SERINC5: variants seen among roughly 807,000 people sequenced by gnomAD.
The protein encoded by SERINC5 is serine incorporator 5, also known as chromosome 5 open reading frame 12.
In SERINC5, 41 loss-of-function variants were observed where a neutral mutation model predicts 63.1. The observed-to-expected ratio is 0.65, with a 90% CI of 0.51 to 0.84. The LOEUF is 0.84. Ranked by LOEUF, SERINC5 falls within the 40% of genes least tolerant of loss-of-function variation. The probability of loss-of-function intolerance (pLI) is 0.00; values close to 1 mark genes in which losing one functional copy is unlikely to be tolerated. For missense variants in SERINC5, 523 were observed against 573.0 expected, an observed-to-expected ratio of 0.91 and a Z score of 0.89; for synonymous variants, 222 against 215.2, an observed-to-expected ratio of 1.03 and a Z score of -0.28.
chr5:80,232,136 G>A (rs1283676355), intron 1 of SERINC5, among the ~76,000 whole-genome samples: 17 of 151,098 alleles, frequency 1.1e-4, no homozygotes, highest in Non-Finnish European at 1.8e-4. Flanking sequence ...CGGGCAAGGT[G>A]GCTCACGCCT....
rs147072800 is a variant in SERINC5 at position 80,180,750 on chromosome 5, G to T, written c.196-2686C>A. ...GAGATATGATAAACATTCAAAAAGG[G>T]AGTAAAGGAAGAGTTAATTATGTAG... On this transcript the variant is annotated intron_variant, in intron 2 of 11. Coordinates refer to ENST00000507668, the MANE Select transcript of SERINC5 (RefSeq NM_001174072.3). 6.5e-3 allele frequency among the ~76,000 whole-genome samples: 985 copies of T among 152,300 alleles called. 7 individuals are homozygous for T. Among genetic ancestry groups the T allele is most frequent in the African/African-American group, 0.023 (938 of 41,564 alleles).
At chr5:80,195,643 T>G (rs73128081) in intron 2 of SERINC5, among the ~76,000 whole-genome samples, 6,494 of 152,186 alleles carry the variant, frequency 0.043, 472 homozygotes, top group African/African-American at 0.15. Flanking sequence ...AATTCTTCAG[T>G]TTAAAAATAG....
rs1172496989 is a variant in SERINC5 at position 80,141,228 on chromosome 5, TC to T, written c.*2434del. 4 of 985,328 alleles carry T rather than the reference TC, an allele frequency of 4.1e-6. No individual in the cohort carries two copies. Among genetic ancestry groups the T allele is most frequent in the Non-Finnish European group, 4.8e-6 (4 of 829,960 alleles). The allele number at this position is 985,328 out of a possible 1,614,324, so 61.0% of individuals were successfully genotyped here. ...TAAAATTCAGAGCAACTGTAACTCTTCCTCTTGCATCAGACCAACCGGCAGA... is the reference window on the plus strand; with the variant it reads ...TAAAATTCAGAGCAACTGTAACTCTTCTCTTGCATCAGACCAACCGGCAGA... On this transcript the variant is annotated 3_prime_UTR_variant, in exon 12 of 12. Coordinates refer to ENST00000507668, the MANE Select transcript of SERINC5 (RefSeq NM_001174072.3).
intron 9 of SERINC5, among the ~76,000 whole-genome samples, chr5:80,148,550 C>T (rs114541723): frequency 0.021 from 3,180 of 151,950 alleles, 115 homozygotes; most frequent in African/African-American, 0.071. Flanking sequence ...TATGTATAGT[C>T]CCAGCTATTT....
chr5:80,170,952 G>A (rs1747614231), intron 5 of SERINC5, among the ~76,000 whole-genome samples: 1 of 152,154 alleles, frequency 6.6e-6, no homozygotes, highest in Admixed American at 6.5e-5. Context: ...AGGCTGCTAT[G>A]AGCCATGACT....
intron 2 of SERINC5, among the ~76,000 whole-genome samples, chr5:80,201,009 G>C (rs1171833239): frequency 6.6e-6 from 1 of 152,150 alleles, no homozygotes; most frequent in Non-Finnish European, 1.5e-5. Flanking sequence ...TGAGGTGGGA[G>C]AATTGCTTGA....
At chr5:80,123,471 G>C (rs925525149) in intron 11 of SERINC5, among the ~76,000 whole-genome samples, 2 of 152,164 alleles carry the variant, frequency 1.3e-5, no homozygotes, top group Non-Finnish European at 2.9e-5. Flanking sequence ...GATGGTGGAA[G>C]TTAGAGTGAT....
rs1411231634 is a variant in SERINC5 at position 80,169,686 on chromosome 5, G to C, written c.552-140C>G. 4 of 637,792 alleles carry C rather than the reference G, an allele frequency of 6.3e-6. No homozygotes were observed. The East Asian group carries it at 1.1e-4, about 17-fold the overall frequency. 39.5% of individuals were successfully genotyped at this position (637,792 alleles called of 1,614,324 possible). A position where few individuals can be genotyped will look rare whatever the true frequency, so the allele number is the denominator to read the frequency against. ...GGCACTGGTACCCAGCTGCTCAGAA[G>C]ACACATTATTTTAGCAGTGATTATG... is the stretch of plus-strand genomic sequence containing the variant. On this transcript the variant is annotated intron_variant, in intron 5 of 11. Transcript: ENST00000507668.
intron 7 of SERINC5, among the ~76,000 whole-genome samples, chr5:80,163,604 T>C (rs1176625438): frequency 2.2e-5 from 3 of 138,762 alleles, no homozygotes; most frequent in South Asian, 4.6e-4. Context: ...TCTGCATCTA[T>C]TGAAATGATC....
In SERINC5 at chr5:80,140,921, C is replaced by G; in HGVS notation, c.*2742G>C. The G allele has an allele frequency of 1.0e-6, 1 of 985,244 alleles. No homozygotes were observed. Among genetic ancestry groups the G allele is most frequent in the Non-Finnish European group, 1.2e-6 (1 of 829,820 alleles). 61.0% of individuals were successfully genotyped at this position (985,244 alleles called of 1,614,324 possible). A position where few individuals can be genotyped will look rare whatever the true frequency, so the allele number is the denominator to read the frequency against. On this transcript the variant is annotated 3_prime_UTR_variant, in exon 12 of 12. Transcript: ENST00000507668. ...GTCATGTACAAAAAGGTGTAGGAAG[C>G]AAATGTCTATTATTTTTAAAAGATA...
chr5:80,187,518 A>G (rs1349723348), intron 2 of SERINC5, among the ~76,000 whole-genome samples: 1 of 151,866 alleles, frequency 6.6e-6, no homozygotes, highest in Non-Finnish European at 1.5e-5. Flanking sequence ...GAAACACTAA[A>G]ATCAGCTTCC....
intron 11 of SERINC5, chr5:80,128,981 T>C (rs937829412): frequency 2.0e-5 from 3 of 152,214 alleles, no homozygotes; most frequent in Admixed American, 1.3e-4. Flanking sequence ...ATCTTTCAAG[T>C]TTCCAAACTC....
At chr5:80,206,811 C>CTTTTTT (rs35026792) in intron 1 of SERINC5, among the ~76,000 whole-genome samples, 3 of 117,784 alleles carry the variant, frequency 2.5e-5, no homozygotes, top group South Asian at 2.8e-4. Context: ...TCACTGATTG[C>CTTTTTT]TTTTTTTTTT....
intron 2 of SERINC5, among the ~76,000 whole-genome samples, chr5:80,201,761 T>C (rs1240475835): frequency 1.3e-5 from 2 of 152,194 alleles, no homozygotes; most frequent in Non-Finnish European, 2.9e-5. Flanking sequence ...TACTTCTGTA[T>C]ACGCTGACCA....
chr5:80,123,233 C>T (rs1386836085), intron 11 of SERINC5, among the ~76,000 whole-genome samples: 1 of 152,130 alleles, frequency 6.6e-6, no homozygotes, highest in Non-Finnish European at 1.5e-5. Context: ...GTAGCTAGGA[C>T]TACAGGCACA....
At chr5:80,229,050 T>TAGGGGGG (rs1561441934) in intron 1 of SERINC5, among the ~76,000 whole-genome samples, 1 of 94,104 alleles carries the variant, frequency 1.1e-5, no homozygotes, top group Non-Finnish European at 2.1e-5. Context: ...TTTTTTTTTT[T>TAGGGGGG]GGGGATGGAG....
At chr5:80,145,037 C>T (rs1361323055) in intron 11 of SERINC5, among the ~76,000 whole-genome samples, 1 of 150,864 alleles carries the variant, frequency 6.6e-6, no homozygotes, top group Non-Finnish European at 1.5e-5. Context: ...TGTATAATGA[C>T]ATTTATGTTA....
intron 2 of SERINC5, chr5:80,198,694 C>G (rs1302716496): frequency 1.0e-6 from 1 of 985,370 alleles, no homozygotes; most frequent in Non-Finnish European, 1.2e-6. Flanking sequence ...AACACCCGCC[C>G]GCAAGCACCC....
At chr5:80,155,589 AAAG>A (rs1198987225) in intron 8 of SERINC5, among the ~76,000 whole-genome samples, 3 of 150,628 alleles carry the variant, frequency 2.0e-5, no homozygotes, top group South Asian at 2.1e-4. Context: ...AAAAAGGAAG[AAAG>A]AAGGAGAGAG....
Sources: gnomAD v4.1 joint callset for allele counts (sites outside exome capture counted in the v4.1 genomes callset) on GRCh38, gnomAD v4.1.1 for gene constraint, MANE v1.5 for transcripts, NCBI Gene and HGNC (gene_info 2026-07-23, HGNC 2026-07-21) for gene names.